The following EIF3K variants were observed in gnomAD, a reference collection of about 807,000 sequenced individuals.
EIF3K encodes the protein eIF-3 p28.
Under a neutral mutation model 34.2 loss-of-function variants are expected in EIF3K, and 27 were observed. The observed-to-expected ratio is 0.79, with a 90% CI of 0.58 to 1.09. The LOEUF is 1.09. EIF3K is among the 50% of genes least tolerant of loss of function. The pLI is 0.00. For synonymous variants in EIF3K, 105 were observed against 105.7 expected (o/e 0.99, Z 0.04); for missense variants, 232 against 275.4 (o/e 0.84, Z 1.11).
chr19:38,625,193 C>T (rs183134089), intron 3 of EIF3K, among the ~76,000 whole-genome samples: 1 of 151,740 alleles, frequency 6.6e-6, no homozygotes, highest in African/African-American at 2.4e-5. Context: ...GAGACGGAGC[C>T]TTGCTCTGTC....
Position 38,620,452 on chromosome 19 carries a change from C to CTGT in EIF3K, c.158+18_158+20dup. The CTGT allele has an allele frequency of 6.2e-7, 1 of 1,608,006 alleles. No homozygotes were observed. ...CCTGAAGCTGTAAGTGTCTAGCTCT[C>CTGT]TGTCTACACTCCCATTGCAGCAACT... On this transcript the variant is annotated intron_variant, in intron 2 of 7. Transcript: ENST00000248342.
At chr19:38,623,511 GC>G (rs1264339414) in intron 2 of EIF3K, among the ~76,000 whole-genome samples, 1 of 152,150 alleles carries the variant, frequency 6.6e-6, no homozygotes, top group African/African-American at 2.4e-5. Context: ...TGTCATGTTG[GC>G]CAGGCTGGTC....
At chr19:38,626,221 G>A in intron 4 of EIF3K, 119 bp downstream of exon 4, 1 of 902,730 alleles carries the variant, frequency 1.1e-6, no homozygotes, top group Non-Finnish European at 1.8e-6. Context: ...CCAGTGCTCT[G>A]CATGTGTGTG....
At chr19:38,620,299 T>G (rs1301558129) in intron 1 of EIF3K, 38 bp from the exon 2 acceptor site, 2 of 1,590,382 alleles carry the variant, frequency 1.3e-6, no homozygotes. Context: ...CCTCAGCTTC[T>G]GTCTCCTCTG....
chr19:38,620,648 C>T (rs139624047), intron 2 of EIF3K, among the ~76,000 whole-genome samples: 3 of 152,136 alleles, frequency 2.0e-5, no homozygotes, highest in African/African-American at 7.2e-5. Context: ...TATCCCAGCA[C>T]TTTGGGAGGA....
rs1278817314 is a variant in EIF3K, at chr19:38,626,075, G to A, written c.327G>A (p.Leu109=). ...IRQILYLGDL[L]ETCHFQAFWQ... The stretch of plus-strand genomic sequence containing the variant: ...AGATTTTGTACCTCGGGGACCTGCT[G>A]GAGACCTGCCATTTCCAGGCCTTCT... The change falls in exon 4 of 8, where the codon CTG becomes CTA. Residue 109 remains leucine (L), a synonymous_variant. Coordinates refer to ENST00000248342, the MANE Select transcript of EIF3K (RefSeq NM_013234.4). 1.9e-6 allele frequency: 3 copies of A among 1,614,198 alleles called. No individual in the cohort carries two copies. Among genetic ancestry groups the A allele is most frequent in the South Asian group, 1.1e-5 (1 of 91,080 alleles).
rs936433960 is a variant in EIF3K at position 38,624,274 on chromosome 19, G to A, written c.279+77G>A. ...AGGTGCATGAATTCCCAGGGAGATG[G>A]TCTGTGGGTGTATCCACAAACAACA... is the stretch of plus-strand genomic sequence containing the variant. On this transcript the variant is annotated intron_variant, in intron 3 of 7. Coordinates refer to ENST00000248342, the MANE Select transcript of EIF3K (RefSeq NM_013234.4). 4.4e-6 allele frequency: 7 copies of A among 1,590,310 alleles called. No homozygotes were observed. In the South Asian group the frequency reaches 4.5e-5, roughly 10 times the overall value.
intron 4 of EIF3K, among the ~76,000 whole-genome samples, chr19:38,631,296 C>T (rs566433338): frequency 1.6e-4 from 24 of 152,158 alleles, no homozygotes; most frequent in African/African-American, 5.3e-4. Flanking sequence ...CTCTGAGTTC[C>T]CTTAGTATTT....
At chr19:38,626,717 CT>C (rs1975958715) in intron 4 of EIF3K, among the ~76,000 whole-genome samples, 1 of 152,220 alleles carries the variant, frequency 6.6e-6, no homozygotes, top group African/African-American at 2.4e-5. Flanking sequence ...TGGCCCCCCA[CT>C]TCTGCAGCCC....
At chr19:38,622,091 T>C (rs369959458) in intron 2 of EIF3K, among the ~76,000 whole-genome samples, 6 of 149,498 alleles carry the variant, frequency 4.0e-5, no homozygotes, top group African/African-American at 1.0e-4. Flanking sequence ...GGGTGCTTTC[T>C]TTCTTTCCTT....
Position 38,636,921 on chromosome 19 carries a change from C to T in EIF3K, c.*1C>T, listed in dbSNP as rs759587776. ...CAGCATCATGGCCTCCTCCCAGTAA[C>T]TTCAGGTGTTTAATAAAGATGTGTT... is the stretch of plus-strand genomic sequence containing the variant. On this transcript the variant is annotated 3_prime_UTR_variant, in exon 8 of 8. Transcript: ENST00000248342. The T allele has an allele frequency of 2.5e-6, 4 of 1,614,020 alleles. No individual in the cohort carries two copies. In the African/African-American group the frequency reaches 4.0e-5, roughly 16 times the overall value.
chr19:38,624,225 G>T (rs750018687), intron 3 of EIF3K, 28 bp downstream of exon 3: 8 of 1,613,630 alleles, frequency 5.0e-6, no homozygotes, highest in African/African-American at 2.7e-5. Flanking sequence ...GGGCCGGGGG[G>T]TGTGTGGGAA....
chr19:38,635,046 G>A lies in EIF3K; in HGVS notation c.553G>A (p.Gly185Arg), dbSNP rs763187879. 1.9e-6 allele frequency: 3 copies of A among 1,614,054 alleles called. No homozygotes were observed. Among genetic ancestry groups the A allele is most frequent in the South Asian group, 1.1e-5 (1 of 91,074 alleles). Residue 185 changes from glycine to arginine, a missense_variant, in exon 7 of 8, where the codon GGG becomes AGG. Coordinates refer to ENST00000248342, the MANE Select transcript of EIF3K (RefSeq NM_013234.4). ...SKYGWSADES[G>R]QIFICSQEES... The stretch of plus-strand genomic sequence containing the variant: ...ATACGGCTGGAGTGCCGACGAGTCG[G>A]GGCAGATCTTCATCTGTAGCCAAGA...
At chr19:38,633,900 G>A (rs1599740325) in intron 6 of EIF3K, among the ~76,000 whole-genome samples, 1 of 151,598 alleles carries the variant, frequency 6.6e-6, no homozygotes, top group East Asian at 2.0e-4. Context: ...TTGAGCCCAG[G>A]AGCAGAGGTT....
intron 6 of EIF3K, chr19:38,632,973 A>G (rs1976102636): frequency 2.7e-6 from 1 of 370,656 alleles, no homozygotes; most frequent in African/African-American, 2.1e-5. Flanking sequence ...TGGAGGTAGC[A>G]AAGCACATGG....
chr19:38,620,315 A>T (rs1975811108), intron 1 of EIF3K, 22 bp from the exon 2 acceptor site: 2 of 1,608,906 alleles, frequency 1.2e-6, no homozygotes, highest in African/African-American at 2.7e-5. Flanking sequence ...CTCTGTGCTC[A>T]CCTATCTTGA....
In EIF3K at chr19:38,620,890, G is replaced by A. The variant is rs574960440; in HGVS notation, c.158+455G>A. On this transcript the variant is annotated intron_variant, in intron 2 of 7. Transcript: ENST00000248342. ...GCCTGGGCAACAAGACCGAAACTCCGTCTCAAAAATAATAATAAAAAATCA... is the reference window on the plus strand; with the variant it reads ...GCCTGGGCAACAAGACCGAAACTCCATCTCAAAAATAATAATAAAAAATCA... Among the ~76,000 whole-genome samples, 26 of 149,194 alleles carry A rather than the reference G, an allele frequency of 1.7e-4. No individual in the cohort carries two copies. In the East Asian group the frequency reaches 2.0e-3, roughly 12 times the overall value.
rs1881640007 is a variant in EIF3K at position 38,619,290 on chromosome 19, A to G, written c.22A>G (p.Arg8Gly). The G allele has an allele frequency of 6.2e-7, 1 of 1,613,952 alleles. No homozygotes were observed. Among genetic ancestry groups the G allele is most frequent in the African/African-American group, 1.3e-5 (1 of 74,924 alleles). The change falls in exon 1 of 8, where the codon AGA (arginine) becomes GGA (glycine). Residue 8 changes from arginine to glycine, a missense_variant. Transcript: ENST00000248342. MAMFEQM[R>G]ANVGKLLKGI... ...AGTCATGGCGATGTTTGAGCAGATG[A>G]GAGCCAACGTGGGCAAGTTGCTCAA...
At chr19:38,620,203 G>C in intron 1 of EIF3K, 134 bp from the exon 2 acceptor site, 1 of 687,266 alleles carries the variant, frequency 1.5e-6, no homozygotes, top group South Asian at 1.6e-5. Context: ...TCACTACCTG[G>C]ATAGAGCAAG....
Sources: gnomAD v4.1 joint callset for allele counts (sites outside exome capture counted in the v4.1 genomes callset) on GRCh38, gnomAD v4.1.1 for gene constraint, MANE v1.5 for transcripts, NCBI Gene and HGNC (gene_info 2026-07-23, HGNC 2026-07-21) for gene names.